ARHGAP29: variants seen among roughly 807,000 people sequenced by gnomAD.
ARHGAP29 encodes the protein rho GTPase-activating protein 29.
A neutral mutation model predicts 122.6 loss-of-function variants in ARHGAP29; 43 were observed. That is an observed-to-expected ratio of 0.35 (90% CI 0.27 to 0.45). The LOEUF (loss-of-function observed/expected upper bound fraction) is 0.45, where lower values mean the gene tolerates loss of function less well. Among genes scored for constraint, ARHGAP29 ranks in the 20% least tolerant of loss-of-function variants. ARHGAP29 has a pLI of 1.00. For synonymous variants in ARHGAP29, 506 were observed against 497.1 expected (o/e 1.02, Z -0.24); for missense variants, 1,303 against 1,477.2 (o/e 0.88, Z 1.93).
intron 1 of ARHGAP29, among the ~76,000 whole-genome samples, chr1:94,272,851 C>A (rs972987302): frequency 2.6e-5 from 4 of 152,162 alleles, no homozygotes; most frequent in Admixed American, 2.0e-4. Context: ...TCCTTTTTGG[C>A]GACTGCTTCT....
the ARHGAP29 span, among the ~76,000 whole-genome samples, chr1:94,300,787 T>C: frequency 6.6e-6 from 1 of 152,206 alleles, no homozygotes; most frequent in Non-Finnish European, 1.5e-5. Flanking sequence ...ACCTGGCATA[T>C]AGGTCCTCTA....
chr1:94,202,286 G>A (rs1650896127), intron 11 of ARHGAP29: 4 of 574,394 alleles, frequency 7.0e-6, no homozygotes, highest in Non-Finnish European at 1.2e-5. Flanking sequence ...CCTTCTCTAA[G>A]ACATTCTTTC....
chr1:94,273,476 A>G (rs1171128182), intron 1 of ARHGAP29, among the ~76,000 whole-genome samples: 2 of 152,180 alleles, frequency 1.3e-5, no homozygotes. Context: ...ACAAAAAACC[A>G]TTTGATATTT....
rs1654797963 is a variant in ARHGAP29, at chr1:94,267,010, A to G, written c.-33+8002T>C. ...GGACAAGAAGTCAGATCTGCTCTCA[A>G]TCCAGGGATCTTTCTATTATGCTAT... On this transcript the variant is annotated intron_variant and NMD_transcript_variant, in intron 1 of 25. Transcript: ENST00000552844. Among the ~76,000 whole-genome samples, 3 of 152,218 alleles carry G rather than the reference A, an allele frequency of 2.0e-5. No individual in the cohort carries two copies. In the South Asian group the frequency reaches 6.2e-4, roughly 32 times the overall value.
the ARHGAP29 span, among the ~76,000 whole-genome samples, chr1:94,284,191 A>G: frequency 6.6e-5 from 10 of 152,054 alleles, no homozygotes; most frequent in Admixed American, 6.5e-4. Context: ...AATTTACTTT[A>G]CTGTTAAGTG....
the ARHGAP29 span, among the ~76,000 whole-genome samples, chr1:94,310,019 G>A: frequency 7.9e-5 from 12 of 152,256 alleles, no homozygotes; most frequent in South Asian, 2.5e-3. Context: ...AAAAACTTCT[G>A]AGACTAACAC....
chr1:94,212,529 G>T (rs1651700664), intron 3 of ARHGAP29, among the ~76,000 whole-genome samples: 1 of 152,080 alleles, frequency 6.6e-6, no homozygotes, highest in African/African-American at 2.4e-5. Flanking sequence ...ACTTTAAGCT[G>T]TTAAAAAATA....
In ARHGAP29 at chr1:94,173,985, TAGGTTGACC is replaced by T. The variant is rs765819358; in HGVS notation, c.3661_3669del (p.Gly1221_Pro1223del). On this transcript the variant is annotated inframe_deletion, in exon 23 of 23. Transcript: ENST00000260526. ...AAGCCAAGCTCCTCAGAGTCTTCTT[TAGGTTGACC>T]AGTTGCTTGCCCAGGACAAGCTGAT... The T allele has an allele frequency of 6.2e-7, 1 of 1,614,098 alleles. No individual in the cohort carries two copies. The highest frequency in any genetic ancestry group is 1.1e-5 in the South Asian group (1 of 91,084).
chr1:94,282,094 A>G, the ARHGAP29 span, among the ~76,000 whole-genome samples: 1 of 152,026 alleles, frequency 6.6e-6, no homozygotes, highest in Non-Finnish European at 1.5e-5. Context: ...TGTTTAAAAA[A>G]TCTATGTTTT....
At chr1:94,264,489 T>G (rs1344918153) in intron 1 of ARHGAP29, among the ~76,000 whole-genome samples, 1 of 152,144 alleles carries the variant, frequency 6.6e-6, no homozygotes, top group Non-Finnish European at 1.5e-5. Context: ...TTTGGTGTGT[T>G]TGGGCAGTGG....
chr1:94,273,048 C>A (rs1655051125), intron 1 of ARHGAP29, among the ~76,000 whole-genome samples: 1 of 152,120 alleles, frequency 6.6e-6, no homozygotes, highest in Admixed American at 6.5e-5. Flanking sequence ...ACTGTGAATT[C>A]TTGTTGCTAT....
At chr1:94,241,676 A>T (rs1214816551), upstream of ARHGAP29, among the ~76,000 whole-genome samples, 1 of 143,078 alleles carries the variant, frequency 7.0e-6, no homozygotes, top group Non-Finnish European at 1.5e-5. Flanking sequence ...ATTATATATG[A>T]TATATATAAT....
chr1:94,270,776 G>A (rs760573046), intron 1 of ARHGAP29, among the ~76,000 whole-genome samples: 8 of 152,202 alleles, frequency 5.3e-5, no homozygotes, highest in Non-Finnish European at 8.8e-5. Context: ...TACCATCAGA[G>A]ACGAACTTGA....
chr1:94,263,967 A>G (rs975621665), intron 1 of ARHGAP29, among the ~76,000 whole-genome samples: 1 of 152,172 alleles, frequency 6.6e-6, no homozygotes. Flanking sequence ...TTCTTTGGGT[A>G]TAAGTAACAC....
intron 2 of ARHGAP29, among the ~76,000 whole-genome samples, chr1:94,230,387 C>G (rs1652848992): frequency 1.3e-5 from 2 of 151,640 alleles, no homozygotes; most frequent in South Asian, 4.1e-4. Flanking sequence ...TATACATTCT[C>G]AAAAGAATCA....
intron 12 of ARHGAP29, among the ~76,000 whole-genome samples, chr1:94,199,913 G>A (rs947230815): frequency 2.0e-5 from 3 of 152,130 alleles, no homozygotes; most frequent in African/African-American, 7.2e-5. Context: ...GTAACATCCT[G>A]TGGGTATAAT....
chr1:94,193,201 AAAGG>A (rs1404489322), intron 12 of ARHGAP29: 1 of 152,094 alleles, frequency 6.6e-6, no homozygotes, highest in Non-Finnish European at 1.5e-5. Context: ...GGGGATAACC[AAAGG>A]AAAAGAGACT....
rs772623100 is a variant in ARHGAP29, at chr1:94,179,919, T to C, written c.2286A>G (p.Glu762=). The change falls in exon 20 of 23, where the codon GAA becomes GAG. Residue 762 remains glutamate, a synonymous_variant. Transcript: ENST00000260526. ...EPFILFRLYK[E]FIDLAKEIQH... is the part of the protein sequence containing the mutation. ...GGATCTCTTTTGCAAGGTCTATAAATTCCTTGTACAATCGAAATAAAATAA... is the reference window on the plus strand; with the variant it reads ...GGATCTCTTTTGCAAGGTCTATAAACTCCTTGTACAATCGAAATAAAATAA... The C allele has an allele frequency of 1.9e-5, 31 of 1,609,850 alleles. No individual in the cohort carries two copies. The Middle Eastern group carries it at 9.9e-4, about 52-fold the overall frequency.
In ARHGAP29 at chr1:94,209,280, T is replaced by C; in HGVS notation, c.411A>G (p.Glu137=). 6.2e-7 allele frequency: 1 copy of C among 1,610,772 alleles called. No individual in the cohort carries two copies. Among genetic ancestry groups the C allele is most frequent in the East Asian group, 2.2e-5 (1 of 44,704 alleles). The change falls in exon 4 of 23, where the codon GAA becomes GAG. Residue 137 remains glutamate (E), a synonymous_variant. Coordinates refer to ENST00000260526, the MANE Select transcript of ARHGAP29 (RefSeq NM_004815.4). ...TATTTCCAAAGGTAAATGCCAAAGT[T>C]TCAATAGAAGAAAACACTTCCTGGA... ...DLFQEVFSSI[E]TLAFTFGNIL...
Sources: gnomAD v4.1 joint callset for allele counts (sites outside exome capture counted in the v4.1 genomes callset) on GRCh38, gnomAD v4.1.1 for gene constraint, MANE v1.5 for transcripts, NCBI Gene and HGNC (gene_info 2026-07-23, HGNC 2026-07-21) for gene names.